NAV2: variants seen among roughly 807,000 people sequenced by gnomAD.
NAV2 encodes helicase, APC down-regulated 1.
NAV2 carries 54 observed loss-of-function variants against 223.2 expected under a neutral mutation model. The observed-to-expected ratio is 0.24, with a 90% CI of 0.19 to 0.30. The LOEUF (loss-of-function observed/expected upper bound fraction) is 0.30, where lower values mean the gene tolerates loss of function less well. Among genes scored for constraint, NAV2 ranks in the 10% least tolerant of loss-of-function variants. NAV2 has a pLI of 1.00. For synonymous variants in NAV2, 1,279 were observed against 1,239.3 expected (o/e 1.03, Z -0.67); for missense variants, 2,806 against 3,147.5 (o/e 0.89, Z 2.60).
At chr11:19,507,371 G>C (rs1047467961) in intron 1 of NAV2, 2 of 152,186 alleles carry the variant, frequency 1.3e-5, no homozygotes, top group African/African-American at 4.8e-5. Flanking sequence ...AAGGAATGAT[G>C]TTAAAAATCT....
Position 19,927,083 on chromosome 11 carries a change from T to C in NAV2, c.932-6093T>C, listed in dbSNP as rs1237869751. On this transcript the variant is annotated intron_variant, in intron 6 of 37. Coordinates refer to ENST00000349880, the MANE Select transcript of NAV2 (RefSeq NM_145117.5). ...GCCAGAAAAACCAAACCAAACTTTT[T>C]CCCTCCCAACCGGAGGATTAATACT... 3.3e-5 allele frequency among the ~76,000 whole-genome samples: 5 copies of C among 152,166 alleles called. No homozygotes were observed. In the East Asian group the frequency reaches 9.6e-4, roughly 29 times the overall value.
intron 1 of NAV2, among the ~76,000 whole-genome samples, chr11:19,776,439 C>G (rs1364642240): frequency 1.3e-5 from 2 of 152,180 alleles, no homozygotes; most frequent in African/African-American, 4.8e-5. Flanking sequence ...TGCCTGACCT[C>G]TCCTCCTCTC....
chr11:19,740,446 C>A (rs1211335293), intron 1 of NAV2, among the ~76,000 whole-genome samples: 3 of 152,176 alleles, frequency 2.0e-5, no homozygotes, highest in African/African-American at 7.2e-5. Context: ...GGGACCTCTG[C>A]CTAGGAAAAC....
intron 1 of NAV2, among the ~76,000 whole-genome samples, chr11:19,465,306 G>A (rs566350335): frequency 5.5e-4 from 84 of 152,332 alleles, no homozygotes; most frequent in African/African-American, 1.9e-3. Flanking sequence ...ACCCGGCCAT[G>A]GTGGCCATGG....
chr11:20,045,060 A>G lies in NAV2; in HGVS notation c.3292A>G (p.Ser1098Gly). The G allele has an allele frequency of 6.2e-7, 1 of 1,614,174 alleles. No homozygotes were observed. Among genetic ancestry groups the G allele is most frequent in the South Asian group, 1.1e-5 (1 of 91,080 alleles). ...KRSPSDAGRSSGDESKKPLPS... is the reference protein window; with the variant it reads ...KRSPSDAGRSGGDESKKPLPS... ...CTCCCCATCAGATGCAGGCCGGAGC[A>G]GTGGTGACGAATCCAAAAAGCCCCT... The change falls in exon 14 of 38, where the codon AGT (serine) becomes GGT (glycine). Residue 1098 changes from serine (S) to glycine (G), a missense_variant. Transcript: ENST00000349880.
At chr11:19,734,580 A>T (rs527585182) in intron 1 of NAV2, among the ~76,000 whole-genome samples, 23 of 152,308 alleles carry the variant, frequency 1.5e-4, no homozygotes, top group Admixed American at 3.9e-4. Context: ...CTGGATTAAG[A>T]TCTCCCTCCT....
At chr11:19,795,014 T>C (rs113188424) in intron 1 of NAV2, among the ~76,000 whole-genome samples, 2,231 of 152,322 alleles carry the variant, frequency 0.015, 16 homozygotes, top group Middle Eastern at 0.061. Flanking sequence ...CAGTACCCTA[T>C]GGAGTAAGCA....
At chr11:19,357,092 A>C (rs1853664025) in intron 1 of NAV2, among the ~76,000 whole-genome samples, 1 of 152,234 alleles carries the variant, frequency 6.6e-6, no homozygotes, top group East Asian at 1.9e-4. Flanking sequence ...CAAATCATTG[A>C]GTCCTCAGCA....
rs544114380 is a variant in NAV2, at chr11:20,091,331, C to G, written c.5652+313C>G. 1.2e-3 allele frequency among the ~76,000 whole-genome samples: 177 copies of G among 152,318 alleles called. 3 individuals are homozygous for G. The highest frequency in any genetic ancestry group is 1.5e-3 in the Non-Finnish European group (100 of 68,038). On this transcript the variant is annotated intron_variant, in intron 27 of 37. Transcript: ENST00000349880. Reference sequence around the variant, plus strand: ...GTTTCCACTGTTAATCCACACCACCCTCCCCAGCTCCTCTTCCCAGAATCT... The same window carrying G: ...GTTTCCACTGTTAATCCACACCACCGTCCCCAGCTCCTCTTCCCAGAATCT...
At chr11:20,106,430 T>A (rs1472497685) in intron 35 of NAV2, among the ~76,000 whole-genome samples, 1 of 144,260 alleles carries the variant, frequency 6.9e-6, no homozygotes, top group Non-Finnish European at 1.5e-5. Flanking sequence ...TGTGGTGGCA[T>A]GCACCTGTAA....
chr11:19,759,051 G>A (rs1362963637), intron 1 of NAV2, among the ~76,000 whole-genome samples: 3 of 148,024 alleles, frequency 2.0e-5, no homozygotes, highest in African/African-American at 7.5e-5. Flanking sequence ...CTGTGCAATT[G>A]ATCAGAATGA....
At chr11:19,861,269 A>C (rs59285527) in intron 3 of NAV2, among the ~76,000 whole-genome samples, 2,021 of 152,290 alleles carry the variant, frequency 0.013, 47 homozygotes, top group African/African-American at 0.046. Context: ...GTGGAGAAGT[A>C]AGCATGACAT....
intron 1 of NAV2, among the ~76,000 whole-genome samples, chr11:19,392,564 G>A (rs954565199): frequency 6.6e-6 from 1 of 152,114 alleles, no homozygotes; most frequent in Non-Finnish European, 1.5e-5. Context: ...CCAGGAGGGA[G>A]CATCCTGAGA....
chr11:19,488,525 G>A (rs2042521970), intron 1 of NAV2, among the ~76,000 whole-genome samples: 1 of 152,138 alleles, frequency 6.6e-6, no homozygotes, highest in Non-Finnish European at 1.5e-5. Context: ...AGATGGCCTT[G>A]GGTTAGCATC....
intron 1 of NAV2, among the ~76,000 whole-genome samples, chr11:19,388,569 G>A (rs1243523046): frequency 1.3e-5 from 2 of 152,164 alleles, no homozygotes; most frequent in African/African-American, 4.8e-5. Context: ...GATGAATGGG[G>A]ATTTTGGCTG....
At chr11:19,580,350 AT>A (rs925300165) in intron 1 of NAV2, among the ~76,000 whole-genome samples, 1 of 151,424 alleles carries the variant, frequency 6.6e-6, no homozygotes, top group African/African-American at 2.4e-5. Context: ...TTTTTAATTT[AT>A]GAAGAAGACA....
At chr11:19,772,839 G>T (rs1439983936) in intron 1 of NAV2, among the ~76,000 whole-genome samples, 3 of 152,204 alleles carry the variant, frequency 2.0e-5, no homozygotes, top group African/African-American at 4.8e-5. Flanking sequence ...TTTCCCATTA[G>T]TCATTGCTTT....
At chr11:19,630,003 G>T (rs147899165) in intron 1 of NAV2, among the ~76,000 whole-genome samples, 1 of 152,024 alleles carries the variant, frequency 6.6e-6, no homozygotes, top group Non-Finnish European at 1.5e-5. Flanking sequence ...GCAGCCCCTG[G>T]GGCCGCTACA....
chr11:19,654,230 C>G (rs1223874855), intron 1 of NAV2, among the ~76,000 whole-genome samples: 1 of 151,972 alleles, frequency 6.6e-6, no homozygotes, highest in Non-Finnish European at 1.5e-5. Flanking sequence ...CACTGCTCAA[C>G]AAAATAAAAG....
Sources: allele counts gnomAD v4.1 joint callset (sites outside exome capture counted in the v4.1 genomes callset), GRCh38; gene constraint gnomAD v4.1.1; transcripts MANE v1.5; gene names NCBI Gene and HGNC (gene_info 2026-07-23, HGNC 2026-07-21).